Variants in TEK observed in about 807,000 individuals in gnomAD.
The protein encoded by TEK is angiopoietin-1 receptor.
A neutral mutation model predicts 131.8 loss-of-function variants in TEK; 43 were observed. That is an observed-to-expected ratio of 0.33 (90% CI 0.26 to 0.42). The LOEUF is 0.42. Among genes scored for constraint, TEK ranks in the 10% least tolerant of loss-of-function variants. The pLI, the probability that TEK is intolerant of heterozygous loss-of-function variation, is 1.00. For missense variants in TEK, 1,162 were observed against 1,384.4 expected, an observed-to-expected ratio of 0.84 and a Z score of 2.55; for synonymous variants, 580 against 491.6, an observed-to-expected ratio of 1.18 and a Z score of -2.38.
chr9:27,221,601 C>T (rs920396611), intron 21 of TEK, among the ~76,000 whole-genome samples: 3 of 152,172 alleles, frequency 2.0e-5, no homozygotes, highest in African/African-American at 7.2e-5. Context: ...GCAGCCTCTG[C>T]TAGTGATATC....
At chr9:27,196,074 G>C (rs576694961) in intron 11 of TEK, among the ~76,000 whole-genome samples, 7 of 152,284 alleles carry the variant, frequency 4.6e-5, no homozygotes, top group African/African-American at 1.7e-4. Flanking sequence ...CCCCTAAATT[G>C]CTTTACAATG....
chr9:27,195,640 T>C (rs1824978536), intron 11 of TEK: 2 of 455,756 alleles, frequency 4.4e-6, no homozygotes, highest in Non-Finnish European at 8.8e-6. Context: ...TTACTATTAT[T>C]AACTGAAAAC....
At chr9:27,147,357 G>T (rs1822969770) in intron 1 of TEK, among the ~76,000 whole-genome samples, 1 of 151,108 alleles carries the variant, frequency 6.6e-6, no homozygotes, top group African/African-American at 2.4e-5. Context: ...AACATCTTTT[G>T]TGCTTATTTG....
At chr9:27,209,058 C>T (rs961195206) in intron 15 of TEK, 63 bp from the exon 16 acceptor site, 30 of 1,154,234 alleles carry the variant, frequency 2.6e-5, no homozygotes, top group South Asian at 8.7e-5. Context: ...GGGGGCAGGA[C>T]GGGACAGCTG....
At position 27,213,395 on chromosome 9, in the gene TEK, A is replaced by T. The variant is rs990567940; in HGVS notation, c.2878-89A>T. ...TTGTGACTGTTTAAAATCCTTTTTT[A>T]TACTATTGTTTTCTTTCCTGTTCCC... On this transcript the variant is annotated intron_variant, in intron 17 of 22. Transcript: ENST00000380036. 3 of 936,542 alleles carry T rather than the reference A, an allele frequency of 3.2e-6. No homozygotes were observed. The African/African-American group carries it at 4.9e-5, about 15-fold the overall frequency. 58.0% of individuals were successfully genotyped at this position (936,542 alleles called of 1,614,324 possible). A position where few individuals can be genotyped will look rare whatever the true frequency, so the allele number is the denominator to read the frequency against.
intron 1 of TEK, among the ~76,000 whole-genome samples, chr9:27,110,010 T>G (rs1224041642): frequency 1.3e-5 from 2 of 152,068 alleles, no homozygotes; most frequent in Non-Finnish European, 2.9e-5. Flanking sequence ...TTTACCTGCT[T>G]TAAAGAAAAT....
At chr9:27,200,854 A>G (rs1825190207) in intron 12 of TEK, among the ~76,000 whole-genome samples, 1 of 152,136 alleles carries the variant, frequency 6.6e-6, no homozygotes, top group Non-Finnish European at 1.5e-5. Context: ...AATGATTATC[A>G]CAGTTAACAG....
chr9:27,157,779 G>A, intron 1 of TEK, 52 bp from the exon 2 acceptor site: 5 of 1,590,670 alleles, frequency 3.1e-6, no homozygotes, highest in Admixed American at 3.3e-5. Flanking sequence ...TTTACCCAAT[G>A]GGGTCATGTT....
intron 21 of TEK, 85 bp from the exon 22 acceptor site, chr9:27,228,121 G>C: frequency 8.7e-7 from 1 of 1,145,778 alleles, no homozygotes; most frequent in Non-Finnish European, 1.3e-6. Context: ...GCATTGGGTG[G>C]CTTCATTCTC....
At chr9:27,195,591 G>T (rs1348694834) in intron 11 of TEK, 6 of 455,016 alleles carry the variant, frequency 1.3e-5, no homozygotes, top group Non-Finnish European at 2.6e-5. Context: ...TCTATCCTAC[G>T]TTTTGGAAGG....
intron 2 of TEK, among the ~76,000 whole-genome samples, chr9:27,164,351 A>G (rs892809515): frequency 7.0e-4 from 98 of 140,948 alleles, no homozygotes; most frequent in Admixed American, 2.0e-3. Flanking sequence ...ATGGAGTCTC[A>G]CTCTGTCACT....
intron 6 of TEK, among the ~76,000 whole-genome samples, chr9:27,179,564 G>T (rs1824287863): frequency 6.6e-6 from 1 of 152,054 alleles, no homozygotes; most frequent in Admixed American, 6.6e-5. Context: ...CATTCCTTTT[G>T]GGAATGTTGA....
chr9:27,136,918 TTTA>T (rs1379992147), intron 1 of TEK, among the ~76,000 whole-genome samples: 1 of 152,066 alleles, frequency 6.6e-6, no homozygotes, highest in African/African-American at 2.4e-5. Flanking sequence ...TAAATCTTTG[TTTA>T]TTTATTTATT....
intron 19 of TEK, among the ~76,000 whole-genome samples, 192 bp downstream of exon 19, chr9:27,217,950 G>A (rs185315877): frequency 2.4e-3 from 365 of 152,178 alleles, no homozygotes; most frequent in African/African-American, 8.2e-3. Context: ...AATCACTTGT[G>A]GCAGGTTTTG....
At chr9:27,225,867 C>A (rs1226257032) in intron 21 of TEK, among the ~76,000 whole-genome samples, 2 of 152,102 alleles carry the variant, frequency 1.3e-5, no homozygotes, top group African/African-American at 2.4e-5. Flanking sequence ...CCAGAATCTA[C>A]AAAGCACTTC....
rs76223779 is a variant in TEK at position 27,157,916 on chromosome 9, C to T, written c.138C>T (p.Ala46=). The change falls in exon 2 of 23, where the codon GCC becomes GCT. Residue 46 remains alanine, a synonymous_variant. Coordinates refer to ENST00000380036, the MANE Select transcript of TEK (RefSeq NM_000459.5). ...CTGAAACATCTCTCACCTGCATTGC[C>T]TCTGGGTGGCGCCCCCATGAGCCCA... The part of the protein sequence containing the change: ...SDAETSLTCI[A]SGWRPHEPIT... 1.3e-3 allele frequency: 2,076 copies of T among 1,614,062 alleles called. 25 individuals are homozygous for T. In the African/African-American group the frequency reaches 0.025, roughly 20 times the overall value.
At chr9:27,125,972 G>T (rs1222202854) in intron 1 of TEK, among the ~76,000 whole-genome samples, 1 of 152,094 alleles carries the variant, frequency 6.6e-6, no homozygotes, top group Non-Finnish European at 1.5e-5. Flanking sequence ...AAAAAACACA[G>T]AAACTTGCAG....
At chr9:27,123,143 A>T (rs982464630) in intron 1 of TEK, among the ~76,000 whole-genome samples, 9 of 150,578 alleles carry the variant, frequency 6.0e-5, no homozygotes, top group Non-Finnish European at 4.4e-5. Flanking sequence ...GTTGCGAAGC[A>T]TTTTTAGTGA....
At chr9:27,153,293 A>G (rs915306816) in intron 1 of TEK, among the ~76,000 whole-genome samples, 4 of 98,106 alleles carry the variant, frequency 4.1e-5, no homozygotes, top group East Asian at 1.9e-4. Context: ...CTAAAAATAG[A>G]AAAAAAATTA....
Sources: allele counts gnomAD v4.1 joint callset (sites outside exome capture counted in the v4.1 genomes callset), GRCh38; gene constraint gnomAD v4.1.1; transcripts MANE v1.5; gene names NCBI Gene and HGNC (gene_info 2026-07-23, HGNC 2026-07-21).